The following PGLYRP4 variants were observed in gnomAD, a reference collection of about 807,000 sequenced individuals.
The protein encoded by PGLYRP4 is PGRP-I-beta.
PGLYRP4 carries 39 observed loss-of-function variants against 41.2 expected under a neutral mutation model. The ratio of observed to expected loss-of-function variants is 0.95; its 90% CI spans 0.73 to 1.24. The LOEUF (loss-of-function observed/expected upper bound fraction) is 1.24, where lower values mean the gene tolerates loss of function less well. Among genes scored for constraint, PGLYRP4 ranks in the 50% most tolerant of loss-of-function variants. The pLI is 0.00. For missense variants in PGLYRP4, 467 were observed against 460.7 expected (o/e 1.01, Z -0.13); for synonymous variants, 202 against 186.8 (o/e 1.08, Z -0.66).
chr1:153,340,746 A>G (rs974311913), intron 6 of PGLYRP4, among the ~76,000 whole-genome samples, 167 bp from the exon 7 acceptor site: 1 of 152,014 alleles, frequency 6.6e-6, no homozygotes, highest in African/African-American at 2.4e-5. Flanking sequence ...TTGAGAGCAG[A>G]CAGTGTCCCG....
intron 7 of PGLYRP4, 70 bp from the exon 8 acceptor site, chr1:153,337,369 AT>A: frequency 1.1e-6 from 1 of 915,864 alleles, no homozygotes; most frequent in Non-Finnish European, 1.7e-6. Flanking sequence ...TCATGTATTA[AT>A]TTATTCATGT....
At chr1:153,340,295 A>G in intron 7 of PGLYRP4, 86 bp downstream of exon 7, 1 of 1,200,266 alleles carries the variant, frequency 8.3e-7, no homozygotes, top group Non-Finnish European at 1.2e-6. Context: ...CTACCCAGTA[A>G]ATATTAGTTC....
At chr1:153,340,247 T>A in intron 7 of PGLYRP4, 134 bp downstream of exon 7, 1 of 759,100 alleles carries the variant, frequency 1.3e-6, no homozygotes, top group South Asian at 1.7e-5. Flanking sequence ...GTGTGATGAA[T>A]TCATTTGGTT....
chr1:153,343,735 A>C (rs1660892953), intron 4 of PGLYRP4, among the ~76,000 whole-genome samples: 1 of 152,194 alleles, frequency 6.6e-6, no homozygotes, highest in African/African-American at 2.4e-5. Flanking sequence ...CATCTCAGAC[A>C]AACACCACCA....
intron 6 of PGLYRP4, 106 bp from the exon 7 acceptor site, chr1:153,340,685 C>A: frequency 2.6e-6 from 3 of 1,141,018 alleles, no homozygotes; most frequent in Admixed American, 2.1e-5. Flanking sequence ...TTCCCAAACC[C>A]CTCTGGGTCT....
intron 4 of PGLYRP4, among the ~76,000 whole-genome samples, chr1:153,344,374 C>T (rs1366630707): frequency 6.6e-6 from 1 of 152,182 alleles, no homozygotes; most frequent in Non-Finnish European, 1.5e-5. Flanking sequence ...GACTCCACCC[C>T]ACCCTGTGGC....
chr1:153,337,411 G>T, intron 7 of PGLYRP4, 112 bp from the exon 8 acceptor site: 1 of 671,222 alleles, frequency 1.5e-6, no homozygotes, highest in Non-Finnish European at 2.5e-6. Flanking sequence ...ATTATCTATT[G>T]GATTCTAAGC....
rs575841424 is a variant in PGLYRP4, at chr1:153,347,385, T to G, written c.49+499A>C. On this transcript the variant is annotated intron_variant, in intron 2 of 8. Coordinates refer to ENST00000359650, the MANE Select transcript of PGLYRP4 (RefSeq NM_020393.4). ...TGTTTGTTTGTTGGTTTGTTTGTTT[T>G]TTGAGACAAGTTCTCGCTCTGTCAC... Among the ~76,000 whole-genome samples the G allele has an allele frequency of 2.6e-5, 4 of 151,660 alleles. No homozygotes were observed. The South Asian group carries it at 6.3e-4, about 24-fold the overall frequency.
intron 7 of PGLYRP4, among the ~76,000 whole-genome samples, 186 bp downstream of exon 7, chr1:153,340,195 C>G (rs1660734843): frequency 6.6e-6 from 1 of 152,222 alleles, no homozygotes; most frequent in Non-Finnish European, 1.5e-5. Flanking sequence ...GGGCAAATGA[C>G]TACCCCCTTG....
intron 8 of PGLYRP4, among the ~76,000 whole-genome samples, chr1:153,333,630 C>A (rs1660425504): frequency 6.6e-6 from 1 of 152,110 alleles, no homozygotes; most frequent in Non-Finnish European, 1.5e-5. Context: ...AAACTACAGG[C>A]CAATAGCCCT....
intron 5 of PGLYRP4, among the ~76,000 whole-genome samples, chr1:153,342,367 CCTT>C (rs1338163142): frequency 9.2e-5 from 14 of 152,350 alleles, no homozygotes; most frequent in African/African-American, 2.4e-4. Flanking sequence ...TGATTCCTCT[CCTT>C]CTAGCTGTGT....
At position 153,340,395 on chromosome 1, in the gene PGLYRP4, G is replaced by A. The variant is rs73014499; in HGVS notation, c.810C>T (p.Cys270=). Residue 270 remains cysteine (C), a synonymous_variant, in exon 7 of 9, where the codon TGC becomes TGT. Coordinates refer to ENST00000359650, the MANE Select transcript of PGLYRP4 (RefSeq NM_020393.4). ...QSFYIDRLKS[C]DIGYNFLVGQ... is the part of the protein sequence containing the mutation. ...GACCCACTCACTTATAACCAATGTC[G>A]CATGACTTGAGCCTGTCTATGTAGA... 6.2e-4 allele frequency: 999 copies of A among 1,613,974 alleles called. 7 individuals are homozygous for A. The African/African-American group carries it at 9.6e-3, about 15-fold the overall frequency.
Position 153,330,659 on chromosome 1 carries a change from T to C in PGLYRP4, c.*108A>G. The C allele has an allele frequency of 1.1e-6, 1 of 870,984 alleles. No homozygotes were observed. Among genetic ancestry groups the C allele is most frequent in the Non-Finnish European group, 1.8e-6 (1 of 541,618 alleles). The allele number at this position is 870,984 out of a possible 1,614,324, so 54.0% of individuals were successfully genotyped here. A position where few individuals can be genotyped will look rare whatever the true frequency, so the allele number is the denominator to read the frequency against. ...CAACCTGAAAAAGGAGGCACAGGAC[T>C]GTGTGGCAGGGGAGGAGGGCAAAAG... On this transcript the variant is annotated 3_prime_UTR_variant, in exon 9 of 9. Coordinates refer to ENST00000359650, the MANE Select transcript of PGLYRP4 (RefSeq NM_020393.4).
intron 7 of PGLYRP4, among the ~76,000 whole-genome samples, 179 bp from the exon 8 acceptor site, chr1:153,337,478 CA>C (rs1351829364): frequency 2.0e-5 from 3 of 152,340 alleles, no homozygotes; most frequent in South Asian, 4.1e-4. Context: ...TAAACTAGCT[CA>C]GGGGGAATGA....
intron 8 of PGLYRP4, among the ~76,000 whole-genome samples, chr1:153,335,562 T>TA (rs1432037873): frequency 2.6e-5 from 4 of 152,150 alleles, no homozygotes; most frequent in African/African-American, 7.2e-5. Context: ...CTGTCTCTAC[T>TA]AAAAATTAAA....
In PGLYRP4 at chr1:153,343,245, C is replaced by T. The variant is rs367632493; in HGVS notation, c.354-37G>A. ...GATAATACAGGTTTCATGGCTGGCA[C>T]TGTAGGACATTCCTGAGAGGTGAAA... is the stretch of plus-strand genomic sequence containing the variant. On this transcript the variant is annotated intron_variant, in intron 4 of 8. Coordinates refer to ENST00000359650, the MANE Select transcript of PGLYRP4 (RefSeq NM_020393.4). The T allele has an allele frequency of 4.9e-6, 7 of 1,418,726 alleles. No individual in the cohort carries two copies. In the African/African-American group the frequency reaches 5.6e-5, roughly 11 times the overall value. 87.9% of individuals were successfully genotyped at this position (1,418,726 alleles called of 1,614,324 possible).
At chr1:153,342,923 A>T (rs1285088110) in intron 5 of PGLYRP4, among the ~76,000 whole-genome samples, 167 bp downstream of exon 5, 2 of 152,212 alleles carry the variant, frequency 1.3e-5, no homozygotes, top group Admixed American at 1.3e-4. Context: ...TCACAAAGTC[A>T]TTTCCTGGAA....
intron 4 of PGLYRP4, among the ~76,000 whole-genome samples, chr1:153,344,001 G>A (rs1205451737): frequency 6.6e-6 from 1 of 152,098 alleles, no homozygotes; most frequent in Non-Finnish European, 1.5e-5. Flanking sequence ...AAAGCAGACT[G>A]GGGGGCGGTG....
At chr1:153,335,601 T>C (rs928843171) in intron 8 of PGLYRP4, among the ~76,000 whole-genome samples, 16 of 152,226 alleles carry the variant, frequency 1.1e-4, no homozygotes, top group African/African-American at 3.9e-4. Flanking sequence ...GGCATGCACC[T>C]GTAGTCCTAG....
Sources: allele counts gnomAD v4.1 joint callset (sites outside exome capture counted in the v4.1 genomes callset), GRCh38; gene constraint gnomAD v4.1.1; transcripts MANE v1.5; gene names NCBI Gene and HGNC (gene_info 2026-07-23, HGNC 2026-07-21).